Variants in ZC3H12B observed in about 807,000 individuals in gnomAD.
ZC3H12B encodes zinc finger CCCH-type containing 12B.
In ZC3H12B, 7 loss-of-function variants were observed where a neutral mutation model predicts 43.9. The observed-to-expected ratio is 0.16, with a 90% confidence interval of 0.09 to 0.30. The LOEUF (loss-of-function observed/expected upper bound fraction) is 0.30. Ranked by LOEUF, ZC3H12B falls within the 10% of genes least tolerant of loss-of-function variation. The probability of loss-of-function intolerance (pLI) is 1.00; values close to 1 mark genes in which losing one functional copy is unlikely to be tolerated. For synonymous variants in ZC3H12B, 222 were observed against 241.7 expected (o/e 0.92, Z 0.76); for missense variants, 475 against 670.2 (o/e 0.71, Z 3.22).
intron 1 of ZC3H12B, among the ~76,000 whole-genome samples, chrX:65,496,888 G>A (rs1173937884): frequency 9.5e-6 from 1 of 104,736 alleles, no homozygotes; most frequent in Non-Finnish European, 1.9e-5. Context: ...CCCAGGAGGT[G>A]GATGTTGCAG....
chrX:65,232,666 C>A, the ZC3H12B span, among the ~76,000 whole-genome samples: 1 of 111,028 alleles, frequency 9.0e-6, no homozygotes, highest in East Asian at 2.8e-4. Flanking sequence ...TAAAGGAGGA[C>A]AAGAAGGAAG....
chrX:65,059,184 G>T, the ZC3H12B span, among the ~76,000 whole-genome samples: 1 of 106,344 alleles, frequency 9.4e-6, no homozygotes, highest in Non-Finnish European at 1.9e-5. Flanking sequence ...GGGAGCTGTA[G>T]ACTGGAGCTG....
chrX:65,046,019 G>C, the ZC3H12B span, among the ~76,000 whole-genome samples: 3 of 111,718 alleles, frequency 2.7e-5, no homozygotes, highest in African/African-American at 9.7e-5. Flanking sequence ...AAAATATTCA[G>C]TAAACCATGC....
At chrX:65,265,758 C>T in the ZC3H12B span, among the ~76,000 whole-genome samples, 6 of 111,504 alleles carry the variant, frequency 5.4e-5, no homozygotes, top group South Asian at 2.2e-3. Flanking sequence ...TGCTTCTGGC[C>T]ATGACAAAGT....
At chrX:65,081,181 C>T in the ZC3H12B span, among the ~76,000 whole-genome samples, 4 of 110,008 alleles carry the variant, frequency 3.6e-5, no homozygotes, top group Admixed American at 1.9e-4. Flanking sequence ...CAGAGAAAGT[C>T]ACCTTCAGTA....
chrX:65,159,225 C>T, the ZC3H12B span, among the ~76,000 whole-genome samples: 1 of 111,905 alleles, frequency 8.9e-6, no homozygotes. Flanking sequence ...CAGCTTTGTT[C>T]TTTTGGCTTA....
chrX:65,047,926 G>A, the ZC3H12B span, among the ~76,000 whole-genome samples: 8 of 110,198 alleles, frequency 7.3e-5, no homozygotes, highest in East Asian at 1.7e-3. Context: ...TTAAAATTGT[G>A]GTAAGAAATA....
chrX:65,134,297 G>A, the ZC3H12B span, among the ~76,000 whole-genome samples: 4 of 110,904 alleles, frequency 3.6e-5, no homozygotes, highest in East Asian at 1.1e-3. Flanking sequence ...AATGACCAAG[G>A]CAGCTATCCC....
chrX:65,427,183 G>A (rs1415203211), intron 3 of ZC3H12B, among the ~76,000 whole-genome samples: 1 of 111,621 alleles, frequency 9.0e-6, no homozygotes, highest in African/African-American at 3.3e-5. Context: ...AGCTCTTCTT[G>A]TTGAATTGAA....
chrX:65,064,898 G>T, the ZC3H12B span, among the ~76,000 whole-genome samples: 2 of 111,386 alleles, frequency 1.8e-5, no homozygotes, highest in Non-Finnish European at 3.8e-5. Flanking sequence ...ATTACGTGTT[G>T]CCTTTCTTTG....
At chrX:65,469,230 CA>C in intron 3 of ZC3H12B, 1 of 235,665 alleles carries the variant, frequency 4.2e-6, no homozygotes. Context: ...CAACAAGCTG[CA>C]AAGGGGCAAG....
chrX:65,135,263 G>T, the ZC3H12B span, among the ~76,000 whole-genome samples: 13 of 110,628 alleles, frequency 1.2e-4, no homozygotes, highest in Non-Finnish European at 1.5e-4. Context: ...ACACAATGTT[G>T]TATTTTTGCT....
At chrX:65,244,727 C>CAAAAAAAAAAAAAAA in the ZC3H12B span, among the ~76,000 whole-genome samples, 1 of 20,391 alleles carries the variant, frequency 4.9e-5, no homozygotes, top group Non-Finnish European at 8.3e-5. Context: ...AATACCTTGC[C>CAAAAAAAAAAAAAAA]AAAAAAAAAA....
intron 1 of ZC3H12B, among the ~76,000 whole-genome samples, chrX:65,493,611 C>A (rs1053004238): frequency 9.0e-6 from 1 of 111,096 alleles, no homozygotes; most frequent in African/African-American, 3.3e-5. Context: ...CTAGGAGAAG[C>A]CCAAACATTT....
At chrX:65,100,923 C>G in the ZC3H12B span, among the ~76,000 whole-genome samples, 1 of 111,580 alleles carries the variant, frequency 9.0e-6, no homozygotes, top group East Asian at 2.8e-4. Flanking sequence ...ACTCTCCACC[C>G]CAAATCAGCA....
the ZC3H12B span, among the ~76,000 whole-genome samples, chrX:65,352,902 CAGCG>C: frequency 3.6e-5 from 4 of 111,640 alleles, no homozygotes; most frequent in Non-Finnish European, 7.5e-5. Flanking sequence ...GGCTGGAATG[CAGCG>C]GCATGATCAT....
the ZC3H12B span, among the ~76,000 whole-genome samples, chrX:65,281,990 A>G: frequency 8.9e-6 from 1 of 112,294 alleles, no homozygotes; most frequent in East Asian, 2.8e-4. Context: ...ACCACATTAA[A>G]GAATGATTTA....
chrX:65,264,015 T>C, the ZC3H12B span, among the ~76,000 whole-genome samples: 1 of 111,005 alleles, frequency 9.0e-6, no homozygotes, highest in African/African-American at 3.3e-5. Flanking sequence ...TTTGCACAAC[T>C]TGAAGGGAGC....
At chrX:65,144,545 C>A in the ZC3H12B span, among the ~76,000 whole-genome samples, 1 of 111,144 alleles carries the variant, frequency 9.0e-6, no homozygotes, top group East Asian at 2.8e-4. Context: ...TCTCTAGTTC[C>A]TTGAGGTGTG....
Sources: gnomAD v4.1 joint callset for allele counts (sites outside exome capture counted in the v4.1 genomes callset) on GRCh38, gnomAD v4.1.1 for gene constraint, MANE v1.5 for transcripts, NCBI Gene and HGNC (gene_info 2026-07-23, HGNC 2026-07-21) for gene names.